The following OSBPL11 variants were observed in gnomAD, a reference collection of about 807,000 sequenced individuals.
The protein encoded by OSBPL11 is oxysterol-binding protein-related protein 11.
A neutral mutation model predicts 84.4 loss-of-function variants in OSBPL11; 33 were observed. The ratio of observed to expected loss-of-function variants is 0.39; its 90% CI spans 0.30 to 0.52. OSBPL11 has a LOEUF of 0.52. OSBPL11 is among the 20% of genes least tolerant of loss of function. The pLI, the probability that OSBPL11 is intolerant of heterozygous loss-of-function variation, is 0.72. For missense variants in OSBPL11, 736 were observed against 901.1 expected (o/e 0.82, Z 2.35); for synonymous variants, 276 against 310.2 (o/e 0.89, Z 1.16).
In OSBPL11 at chr3:125,529,060, T is replaced by C. The variant is rs1364073364; in HGVS notation, c.*1455A>G. On this transcript the variant is annotated 3_prime_UTR_variant, in exon 13 of 13. Transcript: ENST00000296220. The stretch of plus-strand genomic sequence containing the variant: ...TTGCTGTTTTCATCCTACTAACCTC[T>C]TTAACAGAACACAATTTATCAGAGC... The C allele has an allele frequency of 6.5e-6, 1 of 152,672 alleles. No homozygotes were observed. The highest frequency in any genetic ancestry group is 1.5e-5 in the Non-Finnish European group (1 of 68,044). 9.5% of individuals were successfully genotyped at this position (152,672 alleles called of 1,614,324 possible).
intron 9 of OSBPL11, 143 bp downstream of exon 9, chr3:125,552,038 G>T: frequency 5.5e-6 from 2 of 361,126 alleles, no homozygotes; most frequent in Non-Finnish European, 8.9e-6. Context: ...TGCCTGCTTG[G>T]GTTTCTCCCA....
At chr3:125,551,685 G>A (rs1017934365) in intron 9 of OSBPL11, among the ~76,000 whole-genome samples, 3 of 152,182 alleles carry the variant, frequency 2.0e-5, no homozygotes, top group South Asian at 4.1e-4. Flanking sequence ...GTCTGAGGCA[G>A]GAGAATCGCT....
intron 8 of OSBPL11, among the ~76,000 whole-genome samples, chr3:125,553,273 A>C (rs1310043882): frequency 2.0e-5 from 3 of 152,258 alleles, no homozygotes; most frequent in Non-Finnish European, 4.4e-5. Flanking sequence ...AGTAAATGTT[A>C]GCCATGCCTT....
At chr3:125,539,325 AT>A (rs1257594588) in intron 10 of OSBPL11, among the ~76,000 whole-genome samples, 2 of 120,468 alleles carry the variant, frequency 1.7e-5, no homozygotes, top group Non-Finnish European at 3.3e-5. Flanking sequence ...ATATATATAT[AT>A]ATATATATAT....
At chr3:125,545,258 T>A (rs1402357296) in intron 10 of OSBPL11, among the ~76,000 whole-genome samples, 1 of 152,226 alleles carries the variant, frequency 6.6e-6, no homozygotes, top group African/African-American at 2.4e-5. Flanking sequence ...AGGAAAACAG[T>A]TTGTCTATCT....
chr3:125,576,528 C>T (rs1936326803), intron 4 of OSBPL11, among the ~76,000 whole-genome samples, 163 bp from the exon 5 acceptor site: 1 of 152,226 alleles, frequency 6.6e-6, no homozygotes, highest in Non-Finnish European at 1.5e-5. Context: ...ATCTGAGATA[C>T]TCAAAGTTTA....
At chr3:125,567,992 TA>T (rs35693186) in intron 5 of OSBPL11, among the ~76,000 whole-genome samples, 759 of 117,694 alleles carry the variant, frequency 6.4e-3, no homozygotes, top group Admixed American at 7.0e-3. Flanking sequence ...AAACCCCGTC[TA>T]AAAAAAAAAA....
At chr3:125,530,984 C>CGT (rs1553731285) in intron 12 of OSBPL11, among the ~76,000 whole-genome samples, 2 of 148,038 alleles carry the variant, frequency 1.4e-5, no homozygotes, top group Admixed American at 1.3e-4. Flanking sequence ...TTTTTCTTTC[C>CGT]TTTTTTTTTT....
At chr3:125,554,018 T>C (rs1046384798) in intron 8 of OSBPL11, among the ~76,000 whole-genome samples, 3 of 152,214 alleles carry the variant, frequency 2.0e-5, no homozygotes, top group African/African-American at 7.2e-5. Context: ...GCTCAGGAGC[T>C]GATCGCACTA....
chr3:125,568,899 T>C (rs1291258026), intron 5 of OSBPL11, among the ~76,000 whole-genome samples: 2 of 152,070 alleles, frequency 1.3e-5, no homozygotes, highest in Admixed American at 6.5e-5. Flanking sequence ...ATAGAAACTC[T>C]ATATAGTGGA....
chr3:125,577,903 G>A (rs925247539), intron 4 of OSBPL11, among the ~76,000 whole-genome samples: 5 of 151,866 alleles, frequency 3.3e-5, no homozygotes, highest in Admixed American at 6.6e-5. Flanking sequence ...AAGTGTGGCC[G>A]CTTTGGAAAA....
At chr3:125,564,266 C>T (rs567081966) in intron 6 of OSBPL11, among the ~76,000 whole-genome samples, 116 of 152,350 alleles carry the variant, frequency 7.6e-4, no homozygotes, top group Middle Eastern at 3.4e-3. Context: ...GGGATCGAGT[C>T]TTACTCTCAG....
intron 10 of OSBPL11, among the ~76,000 whole-genome samples, chr3:125,546,219 G>A (rs1413918249): frequency 4.1e-5 from 6 of 145,702 alleles, no homozygotes; most frequent in Admixed American, 1.4e-4. Context: ...TGTCACCCAC[G>A]CTGGAGCACA....
chr3:125,560,828 C>T (rs377619682), intron 7 of OSBPL11, among the ~76,000 whole-genome samples: 2 of 152,182 alleles, frequency 1.3e-5, no homozygotes, highest in African/African-American at 4.8e-5. Context: ...CCTCCAGAGT[C>T]GCTGGGATTA....
chr3:125,563,765 G>C lies in OSBPL11; in HGVS notation c.947C>G (p.Thr316Ser), dbSNP rs1936112099. The C allele has an allele frequency of 1.2e-6, 2 of 1,614,190 alleles. No individual in the cohort carries two copies. Among genetic ancestry groups the C allele is most frequent in the African/African-American group, 2.7e-5 (2 of 75,058 alleles). The change falls in exon 7 of 13, where the codon ACT (threonine) becomes AGT (serine). Residue 316 changes from threonine to serine, a missense_variant. By Grantham distance (58) the Thr-to-Ser change is moderately conservative. Coordinates refer to ENST00000296220, the MANE Select transcript of OSBPL11 (RefSeq NM_022776.5). ...YKNGADQPFA[T>S]DQSKPVAVPE... The stretch of plus-strand genomic sequence containing the variant: ...GACTGCCACCGGCTTACTCTGATCA[G>C]TTGCAAAGGGCTGGTCAGCTCCATT...
chr3:125,563,771 A>G lies in OSBPL11; in HGVS notation c.941T>C (p.Phe314Ser). The change falls in exon 7 of 13, where the codon TTT becomes TCT. Residue 314 changes from phenylalanine to serine, a missense_variant. Coordinates refer to ENST00000296220, the MANE Select transcript of OSBPL11 (RefSeq NM_022776.5). ...NHYKNGADQP[F>S]ATDQSKPVAV... ...CACCGGCTTACTCTGATCAGTTGCAAAGGGCTGGTCAGCTCCATTTTTATA... is the reference window on the plus strand; with the variant it reads ...CACCGGCTTACTCTGATCAGTTGCAGAGGGCTGGTCAGCTCCATTTTTATA... The G allele has an allele frequency of 6.2e-7, 1 of 1,614,204 alleles. No homozygotes were observed. The highest frequency in any genetic ancestry group is 1.1e-5 in the South Asian group (1 of 91,086).
At chr3:125,534,940 G>T (rs1461468079) in intron 11 of OSBPL11, among the ~76,000 whole-genome samples, 129 of 54,548 alleles carry the variant, frequency 2.4e-3, no homozygotes, top group Middle Eastern at 0.02. Context: ...AGCTTCCATT[G>T]TAAGAAATTA....
chr3:125,538,217 G>A (rs563935425), intron 11 of OSBPL11, among the ~76,000 whole-genome samples: 42 of 152,212 alleles, frequency 2.8e-4, no homozygotes, highest in Non-Finnish European at 4.4e-4. Context: ...GACAGTAAAT[G>A]TTTTTAATAT....
intron 7 of OSBPL11, 31 bp from the exon 8 acceptor site, chr3:125,560,550 T>C: frequency 6.6e-7 from 1 of 1,515,556 alleles, no homozygotes; most frequent in Non-Finnish European, 8.9e-7. Flanking sequence ...AAGTCTAGTA[T>C]TTTAACTACC....
Sources: allele counts gnomAD v4.1 joint callset (sites outside exome capture counted in the v4.1 genomes callset), GRCh38; gene constraint gnomAD v4.1.1; transcripts MANE v1.5; gene names NCBI Gene and HGNC (gene_info 2026-07-23, HGNC 2026-07-21).